The following STK10 variants were observed in gnomAD, a reference collection of about 807,000 sequenced individuals.
STK10 encodes serine/threonine kinase 10.
STK10 carries 78 observed loss-of-function variants against 113.8 expected under a neutral mutation model. The ratio of observed to expected loss-of-function variants is 0.69; its 90% CI spans 0.57 to 0.83. The LOEUF (loss-of-function observed/expected upper bound fraction) is 0.83, where lower values mean the gene tolerates loss of function less well. Among genes scored for constraint, STK10 ranks in the 40% least tolerant of loss-of-function variants. The pLI, the probability that STK10 is intolerant of heterozygous loss-of-function variation, is 0.00. For synonymous variants in STK10, 465 were observed against 494.7 expected (o/e 0.94, Z 0.80); for missense variants, 1,109 against 1,280.1 (o/e 0.87, Z 2.04).
At chr5:172,045,049 C>T (rs1196215287) in intron 18 of STK10, 27 bp from the exon 19 acceptor site, 1 of 1,612,300 alleles carries the variant, frequency 6.2e-7, no homozygotes, top group Admixed American at 1.7e-5. Flanking sequence ...ATGGATGGCA[C>T]TTGGTGAGAT....
At chr5:172,171,950 TG>T (rs1770671180) in intron 1 of STK10, among the ~76,000 whole-genome samples, 1 of 152,092 alleles carries the variant, frequency 6.6e-6, no homozygotes, top group African/African-American at 2.4e-5. Flanking sequence ...GCCAGCACTT[TG>T]GGAGGGGAGG....
intron 12 of STK10, among the ~76,000 whole-genome samples, chr5:172,070,255 A>T (rs1717829707): frequency 6.8e-6 from 1 of 147,082 alleles, no homozygotes; most frequent in South Asian, 2.1e-4. Context: ...CCTCAAAAAA[A>T]TATATATCTA....
At chr5:172,085,761 A>G (rs1213815033) in intron 10 of STK10, among the ~76,000 whole-genome samples, 1 of 151,792 alleles carries the variant, frequency 6.6e-6, no homozygotes, top group Non-Finnish European at 1.5e-5. Context: ...AAACCAAACT[A>G]CTACAGAAAG....
Position 172,106,401 on chromosome 5 carries a change from C to CAGAAAAAAAAAAA in STK10, c.788+218_788+219insTTTTTTTTTTTCT, listed in dbSNP as rs1475870342. On this transcript the variant is annotated intron_variant, in intron 6 of 18. Transcript: ENST00000176763. ...TGGGCAAAAGAGTGAGACCCTATCT[C>CAGAAAAAAAAAAA]AAAAAAAAAAAAAAAAAGGAACACA... Among the ~76,000 whole-genome samples, 218 of 53,436 alleles carry CAGAAAAAAAAAAA rather than the reference C, an allele frequency of 4.1e-3. 7 individuals are homozygous for CAGAAAAAAAAAAA. The highest frequency in any genetic ancestry group is 0.012 in the African/African-American group (212 of 18,254). 35.1% of individuals were successfully genotyped at this position (53,436 alleles called of 152,430 possible).
At chr5:172,053,821 T>C (rs975803386) in intron 17 of STK10, among the ~76,000 whole-genome samples, 5 of 152,242 alleles carry the variant, frequency 3.3e-5, no homozygotes, top group Non-Finnish European at 5.9e-5. Context: ...GCAGCAGCGC[T>C]GCATGCCTGT....
In STK10 at chr5:172,101,968, TG is replaced by T. The variant is rs373777586; in HGVS notation, c.870+3687del. ...AGAGGGGCGATGGGGGTCAGCAGGG[TG>T]GGGGGGGCGGATCACACAGCACTCT... On this transcript the variant is annotated intron_variant, in intron 7 of 18. Coordinates refer to ENST00000176763, the MANE Select transcript of STK10 (RefSeq NM_005990.4). Among the ~76,000 whole-genome samples, 40 of 66,516 alleles carry T rather than the reference TG, an allele frequency of 6.0e-4. 1 individual carries two copies. The highest frequency in any genetic ancestry group is 1.7e-3 in the African/African-American group (31 of 18,458). The allele number at this position is 66,516 out of a possible 152,430, so 43.6% of individuals were successfully genotyped here.
intron 2 of STK10, among the ~76,000 whole-genome samples, chr5:172,148,806 G>GATCC (rs1440828842): frequency 2.6e-5 from 4 of 152,240 alleles, no homozygotes; most frequent in Non-Finnish European, 5.9e-5. Flanking sequence ...ACCTGGGCTG[G>GATCC]AGCCTGGCTC....
chr5:172,151,784 C>G (rs1027168704), intron 2 of STK10, among the ~76,000 whole-genome samples: 3 of 152,238 alleles, frequency 2.0e-5, no homozygotes, highest in South Asian at 2.1e-4. Flanking sequence ...CCCCAGCCCC[C>G]ACCATGGGGC....
At chr5:172,174,371 C>T (rs1327553629) in intron 1 of STK10, among the ~76,000 whole-genome samples, 1 of 152,028 alleles carries the variant, frequency 6.6e-6, no homozygotes. Context: ...GGCGTTTCAC[C>T]ATATTGGCCA....
rs149117224 is a variant in STK10, at chr5:172,113,304, G to A, written c.520+4177C>T. ...AACCCCAACTCACTGCACACACCCA[G>A]CACTCTGCTTCTGAGAATTCCTCTT... On this transcript the variant is annotated intron_variant, in intron 4 of 18. Coordinates refer to ENST00000176763, the MANE Select transcript of STK10 (RefSeq NM_005990.4). 3.7e-3 allele frequency among the ~76,000 whole-genome samples: 560 copies of A among 152,226 alleles called. 1 individual carries two copies. Among genetic ancestry groups the A allele is most frequent in the African/African-American group, 0.013 (543 of 41,534 alleles).
At chr5:172,081,231 G>A (rs1670568588) in intron 12 of STK10, among the ~76,000 whole-genome samples, 1 of 151,600 alleles carries the variant, frequency 6.6e-6, no homozygotes, top group African/African-American at 2.4e-5. Flanking sequence ...CGTGCCTGTA[G>A]TCCCAGCTAC....
At chr5:172,144,705 G>A (rs1364852915) in intron 2 of STK10, among the ~76,000 whole-genome samples, 2 of 152,148 alleles carry the variant, frequency 1.3e-5, no homozygotes, top group African/African-American at 2.4e-5. Context: ...CTTGAGCAGG[G>A]TGAACTGAGT....
chr5:172,117,446 C>G, intron 4 of STK10, 35 bp downstream of exon 4: 1 of 1,605,854 alleles, frequency 6.2e-7, no homozygotes, highest in Non-Finnish European at 8.5e-7. Flanking sequence ...GGCAGACACC[C>G]TGTGGCTCCA....
intron 18 of STK10, chr5:172,045,417 T>C: frequency 2.2e-6 from 1 of 461,788 alleles, no homozygotes; most frequent in Non-Finnish European, 4.3e-6. Context: ...TTTTTCAAAA[T>C]ACACATGCCT....
At chr5:172,162,284 G>A (rs1173204502) in intron 1 of STK10, among the ~76,000 whole-genome samples, 2 of 152,022 alleles carry the variant, frequency 1.3e-5, no homozygotes, top group Admixed American at 1.3e-4. Flanking sequence ...GAGGTGCAGT[G>A]AGCCGACTGC....
intron 2 of STK10, among the ~76,000 whole-genome samples, chr5:172,130,587 G>T (rs1769733066): frequency 6.6e-6 from 1 of 151,790 alleles, no homozygotes; most frequent in Non-Finnish European, 1.5e-5. Context: ...ATGTAACAAG[G>T]TCAGACACTT....
intron 4 of STK10, among the ~76,000 whole-genome samples, chr5:172,111,818 C>T (rs1294886338): frequency 1.3e-5 from 2 of 152,178 alleles, no homozygotes; most frequent in Non-Finnish European, 2.9e-5. Context: ...ACAGGTTTAT[C>T]GAATGAGCAT....
intron 5 of STK10, among the ~76,000 whole-genome samples, chr5:172,107,574 G>C (rs1769143939): frequency 6.6e-6 from 1 of 152,192 alleles, no homozygotes; most frequent in Admixed American, 6.6e-5. Flanking sequence ...TTATTAAGTA[G>C]GGGCCATTAT....
In STK10 at chr5:172,059,040, G is replaced by A. The variant is rs553399789; in HGVS notation, c.2213-1567C>T. Reference sequence around the variant, plus strand: ...AGATTGAGACCATCCTGGCTAACACGGTGAGACCCCGTCTCTACTAAAAAT... The same window carrying A: ...AGATTGAGACCATCCTGGCTAACACAGTGAGACCCCGTCTCTACTAAAAAT... On this transcript the variant is annotated intron_variant, in intron 14 of 18. Coordinates refer to ENST00000176763, the MANE Select transcript of STK10 (RefSeq NM_005990.4). 1.2e-4 allele frequency among the ~76,000 whole-genome samples: 18 copies of A among 151,196 alleles called. No homozygotes were observed. In the South Asian group the frequency reaches 3.4e-3, roughly 28 times the overall value.
Sources: allele counts gnomAD v4.1 joint callset (sites outside exome capture counted in the v4.1 genomes callset), GRCh38; gene constraint gnomAD v4.1.1; transcripts MANE v1.5; gene names NCBI Gene and HGNC (gene_info 2026-07-23, HGNC 2026-07-21).